PRMT8: variants seen among roughly 807,000 people sequenced by gnomAD.
PRMT8 encodes protein arginine methyltransferase 8.
Under a neutral mutation model 47.1 loss-of-function variants are expected in PRMT8, and 7 were observed. The observed-to-expected ratio is 0.15, with a 90% confidence interval of 0.08 to 0.28. PRMT8 has a LOEUF of 0.28. PRMT8 is among the 10% of genes least tolerant of loss of function. The probability of loss-of-function intolerance (pLI) is 1.00; values close to 1 mark genes in which losing one functional copy is unlikely to be tolerated. For missense variants in PRMT8, 237 were observed against 505.4 expected (o/e 0.47, Z 5.09); for synonymous variants, 188 against 186.5 (o/e 1.01, Z -0.07).
chr12:3,527,909 G>A lies in PRMT8; in HGVS notation c.76-12697G>A, dbSNP rs191142786. Among the ~76,000 whole-genome samples the A allele has an allele frequency of 3.9e-4, 60 of 152,192 alleles. 1 individual carries two copies. ...CATTTCTGAAAGATATTTTCACTGG[G>A]TATAGAATTCTAAGTTGACAGTTTT... On this transcript the variant is annotated intron_variant, in intron 1 of 9. Transcript: ENST00000382622.
intron 1 of PRMT8, among the ~76,000 whole-genome samples, chr12:3,422,266 G>C (rs1433509938): frequency 1.3e-5 from 2 of 152,214 alleles, no homozygotes; most frequent in African/African-American, 4.8e-5. Context: ...TGGTTACCTG[G>C]ACAGAACTTT....
chr12:3,567,425 C>T (rs536911036), intron 4 of PRMT8, among the ~76,000 whole-genome samples: 25 of 152,322 alleles, frequency 1.6e-4, no homozygotes, highest in African/African-American at 5.8e-4. Context: ...TAGAAGGGCA[C>T]CCATTTGGTA....
At chr12:3,523,574 G>A (rs998916879) in intron 1 of PRMT8, among the ~76,000 whole-genome samples, 1 of 152,168 alleles carries the variant, frequency 6.6e-6, no homozygotes, top group Non-Finnish European at 1.5e-5. Context: ...AGTTAAGACT[G>A]AATATGGGGG....
At chr12:3,490,587 A>C (rs900396435), upstream of PRMT8, among the ~76,000 whole-genome samples, 25 of 140,638 alleles carry the variant, frequency 1.8e-4, no homozygotes, top group Middle Eastern at 4.3e-3. Context: ...ACTTTCTCCC[A>C]CCCTCTTTCC....
chr12:3,490,716 A>AGAGAGAGAGAGAGG (rs1565420868), upstream of PRMT8, among the ~76,000 whole-genome samples: 1 of 145,138 alleles, frequency 6.9e-6, no homozygotes, highest in South Asian at 2.2e-4. Context: ...AGAGAGAGAG[A>AGAGAGAGAGAGAGG]GAGAAAAGGA....
chr12:3,530,916 C>A (rs1163234177), intron 1 of PRMT8, among the ~76,000 whole-genome samples: 1 of 152,144 alleles, frequency 6.6e-6, no homozygotes, highest in East Asian at 1.9e-4. Flanking sequence ...AAAATCATTG[C>A]CATTTGGAGA....
rs550537546 is a variant in PRMT8 at position 3,505,221 on chromosome 12, C to T, written c.75+13521C>T. 3.9e-5 allele frequency among the ~76,000 whole-genome samples: 6 copies of T among 152,272 alleles called. No homozygotes were observed. The East Asian group carries it at 1.2e-3, about 29-fold the overall frequency. ...CTGTTCCTATTCGGCCATCTTGGCT[C>T]CTCCTCCCCAAGACCCTATTTTTAA... is the stretch of plus-strand genomic sequence containing the variant. On this transcript the variant is annotated intron_variant, in intron 1 of 9. Transcript: ENST00000382622.
At position 3,593,115 on chromosome 12, in the gene PRMT8, C is replaced by T. The variant is rs764779151; in HGVS notation, c.1118C>T (p.Thr373Ile). The change falls in exon 10 of 10, where the codon ACA becomes ATA. Residue 373 changes from threonine (T) to isoleucine (I), a missense_variant. By Grantham distance (89) the Thr-to-Ile change is moderately conservative. This residue lies in a region of PRMT8 where 151 missense variants were observed against 341.1 expected (regional missense o/e 0.44). Coordinates refer to ENST00000382622, the MANE Select transcript of PRMT8 (RefSeq NM_019854.5). The surrounding 1 kb of genome is among the most constrained non-coding windows in gnomAD (Gnocchi z 4.8). ...NAKNVRDLDFTVDLDFKGQLC... is the reference protein window; with the variant it reads ...NAKNVRDLDFIVDLDFKGQLC... ...GCCTTGCAGCGAGACCTCGATTTCA[C>T]AGTAGACTTGGATTTTAAGGGACAG... The T allele has an allele frequency of 6.2e-7, 1 of 1,614,020 alleles. No individual in the cohort carries two copies. The highest frequency in any genetic ancestry group is 1.3e-5 in the African/African-American group (1 of 74,950).
chr12:3,592,479 G>A, intron 9 of PRMT8, 127 bp downstream of exon 9: 2 of 1,020,020 alleles, frequency 2.0e-6, no homozygotes, highest in South Asian at 1.7e-5. Context: ...CAGGCAGTCG[G>A]TAGCCACATG....
In PRMT8 at chr12:3,535,763, G is replaced by T. The variant is rs532873746; in HGVS notation, c.76-4843G>T. On this transcript the variant is annotated intron_variant, in intron 1 of 9. Coordinates refer to ENST00000382622, the MANE Select transcript of PRMT8 (RefSeq NM_019854.5). This position sits in a 1 kb window ranked among gnomAD's most constrained non-coding sequence, Gnocchi z 4.7. ...CAGGGAGCAAATTGGAGGTGAGAAAGCTGCAGCCATGAGCAGACCAAGACG... is the reference window on the plus strand; with the variant it reads ...CAGGGAGCAAATTGGAGGTGAGAAATCTGCAGCCATGAGCAGACCAAGACG... Among the ~76,000 whole-genome samples the T allele has an allele frequency of 6.6e-6, 1 of 152,176 alleles. No individual in the cohort carries two copies. Among genetic ancestry groups the T allele is most frequent in the Non-Finnish European group, 1.5e-5 (1 of 68,032 alleles).
At chr12:3,565,388 C>G (rs539293094) in intron 4 of PRMT8, among the ~76,000 whole-genome samples, 2 of 152,142 alleles carry the variant, frequency 1.3e-5, no homozygotes, top group South Asian at 4.2e-4. Flanking sequence ...AGGTTGAGCA[C>G]AAAAGCACCG....
At chr12:3,382,845 G>A (rs890671983) in intron 1 of PRMT8, among the ~76,000 whole-genome samples, 1 of 152,096 alleles carries the variant, frequency 6.6e-6, no homozygotes, top group East Asian at 1.9e-4. Flanking sequence ...TGTTATAGTT[G>A]TATATAACTC....
At chr12:3,430,352 T>TACTTTAG in intron 1 of PRMT8, among the ~76,000 whole-genome samples, 1 of 152,216 alleles carries the variant, frequency 6.6e-6, no homozygotes, top group Admixed American at 6.5e-5. Context: ...GTGGATTCCA[T>TACTTTAG]TTCTGCCTTT....
chr12:3,518,942 T>A (rs1865835764), intron 1 of PRMT8, among the ~76,000 whole-genome samples: 1 of 152,120 alleles, frequency 6.6e-6, no homozygotes, highest in South Asian at 2.1e-4. Context: ...AATAAAGTTT[T>A]AAAAAATTAA....
chr12:3,585,090 G>T (rs1474145789), intron 8 of PRMT8, among the ~76,000 whole-genome samples: 1 of 152,056 alleles, frequency 6.6e-6, no homozygotes, highest in Non-Finnish European at 1.5e-5. Flanking sequence ...CATGAGTAGG[G>T]ATCATATCTC....
At chr12:3,420,035 CAGAGAGAG>C (rs145716727) in intron 1 of PRMT8, among the ~76,000 whole-genome samples, 342 of 131,184 alleles carry the variant, frequency 2.6e-3, no homozygotes, top group Middle Eastern at 3.8e-3. Flanking sequence ...GAGAGACAGA[CAGAGAGAG>C]AGAGAGAGAG....
upstream of PRMT8, among the ~76,000 whole-genome samples, chr12:3,489,445 C>T (rs185270244): frequency 6.6e-6 from 1 of 152,026 alleles, no homozygotes; most frequent in African/African-American, 2.4e-5. Flanking sequence ...ATGTCCTCCT[C>T]TCTCCAATCT....
intron 1 of PRMT8, among the ~76,000 whole-genome samples, chr12:3,530,753 A>G (rs1866017551): frequency 6.6e-6 from 1 of 152,260 alleles, no homozygotes; most frequent in Non-Finnish European, 1.5e-5. Flanking sequence ...CGAAAGGCCC[A>G]GAGAGCATCT....
chr12:3,462,163 G>A (rs1387984360), intron 1 of PRMT8, among the ~76,000 whole-genome samples: 2 of 151,974 alleles, frequency 1.3e-5, no homozygotes, highest in Non-Finnish European at 1.5e-5. Context: ...CTGTTCTTGT[G>A]TTAGTTTGCT....
Sources: allele counts gnomAD v4.1 joint callset (sites outside exome capture counted in the v4.1 genomes callset), GRCh38; gene constraint gnomAD v4.1.1; regional missense constraint gnomAD v4.1.1; non-coding constraint Gnocchi (gnomAD v3.1); transcripts MANE v1.5; gene names NCBI Gene and HGNC (gene_info 2026-07-23, HGNC 2026-07-21).